DUSP8: variants seen among roughly 807,000 people sequenced by gnomAD.
DUSP8 encodes the protein dual specificity protein phosphatase 8.
Under a neutral mutation model 38.7 loss-of-function variants are expected in DUSP8, and 15 were observed. The ratio of observed to expected loss-of-function variants is 0.39; its 90% CI spans 0.26 to 0.60. The LOEUF is 0.60. Ranked by LOEUF, DUSP8 falls within the 20% of genes least tolerant of loss-of-function variation. The probability of loss-of-function intolerance (pLI) is 0.56; values close to 1 mark genes in which losing one functional copy is unlikely to be tolerated. For synonymous variants in DUSP8, 458 were observed against 433.9 expected, an observed-to-expected ratio of 1.06 and a Z score of -0.69; for missense variants, 768 against 915.0, an observed-to-expected ratio of 0.84 and a Z score of 2.07.
chr11:1,558,206 G>A lies in DUSP8; in HGVS notation c.603C>T (p.Asp201=). 3 of 1,610,982 alleles carry A rather than the reference G, an allele frequency of 1.9e-6. No homozygotes were observed. The highest frequency in any genetic ancestry group is 1.7e-6 in the Non-Finnish European group (2 of 1,179,568). Residue 201 remains aspartate (D), a synonymous_variant, in exon 5 of 7, where the codon GAC becomes GAT. Transcript: ENST00000397374. This position sits in a 1 kb window ranked among gnomAD's most constrained non-coding sequence, Gnocchi z 6.3. ...GCATGAAGCGGCTCTCGCAGATGAA[G>A]TCAGGCTTGGGGCAGGAGTTGCTGG... ...LNASNSCPKP[D]FICESRFMRV... is the part of the protein sequence containing the mutation.
At position 1,557,538 on chromosome 11, in the gene DUSP8, G is replaced by A; in HGVS notation, c.858C>T (p.Asn286=). 1 of 1,591,608 alleles carries A rather than the reference G, an allele frequency of 6.3e-7. No individual in the cohort carries two copies. Among genetic ancestry groups the A allele is most frequent in the Non-Finnish European group, 8.5e-7 (1 of 1,177,046 alleles). ...VKDRRPSISP[N]FNFLGQLLEY... The stretch of plus-strand genomic sequence containing the variant: ...CCAGCAGCTGGCCCAGGAAGTTGAA[G>A]TTGGGCGAGATGGACGGGCGCCTGT... The change falls in exon 7 of 7, where the codon AAC becomes AAT. Residue 286 remains asparagine (N), a synonymous_variant. Coordinates refer to ENST00000397374, the MANE Select transcript of DUSP8 (RefSeq NM_004420.3). This position sits in a 1 kb window ranked among gnomAD's most constrained non-coding sequence, Gnocchi z 9.9.
At chr11:1,566,617 T>C (rs1848808712) in intron 1 of DUSP8, among the ~76,000 whole-genome samples, 1 of 152,076 alleles carries the variant, frequency 6.6e-6, no homozygotes, top group South Asian at 2.1e-4. Flanking sequence ...TGAGGTTTAG[T>C]GTGCGCCACG....
At position 1,556,950 on chromosome 11, in the gene DUSP8, C is replaced by A; in HGVS notation, c.1446G>T (p.Gln482His). Residue 482 changes from glutamine to histidine, a missense_variant, in exon 7 of 7, where the codon CAG becomes CAT. Coordinates refer to ENST00000397374, the MANE Select transcript of DUSP8 (RefSeq NM_004420.3). The surrounding 1 kb of genome is among the most constrained non-coding windows in gnomAD (Gnocchi z 5.2). ...GGGCCGAGAGGCCGTGCCGCGGAGT[C>A]TGCCGGGCCGCATCGCCGAAGTTCA... ...LGLNFGDAAR[Q>H]TPRHGLSALS... is the part of the protein sequence containing the mutation. 3.7e-6 allele frequency: 4 copies of A among 1,070,034 alleles called. No individual in the cohort carries two copies. Among genetic ancestry groups the A allele is most frequent in the Non-Finnish European group, 4.5e-6 (4 of 885,960 alleles). 66.3% of individuals were successfully genotyped at this position (1,070,034 alleles called of 1,614,324 possible).
In DUSP8 at chr11:1,554,766, A is replaced by G; in HGVS notation, c.*1752T>C. The G allele has an allele frequency of 2.0e-6, 1 of 496,624 alleles. No homozygotes were observed. Among genetic ancestry groups the G allele is most frequent in the Non-Finnish European group, 2.6e-6 (1 of 382,298 alleles). 30.8% of individuals were successfully genotyped at this position (496,624 alleles called of 1,614,324 possible). ...AGGGTCTCCTCAGAAACCCAACGCA[A>G]CAGACATATGGGAGGCAAATTTACA... On this transcript the variant is annotated 3_prime_UTR_variant, in exon 7 of 7. Transcript: ENST00000397374.
rs754263942 is a variant in DUSP8, at chr11:1,557,372, T to G, written c.1024A>C (p.Thr342Pro). ...LPPPTSESAA[T>P]GNAAAREGGL... ...CCCTCCCTGGCAGCCGCATTCCCTG[T>G]GGCAGCGCTCTCTGAGGTAGGTGGT... Residue 342 changes from threonine (T) to proline (P), a missense_variant, in exon 7 of 7, where the codon ACA becomes CCA. Thr to Pro is a conservative substitution (Grantham distance 38, BLOSUM62 -1). Around this residue, in one of 3 missense-constraint regions of DUSP8, gnomAD observed 474 missense variants for 430.8 expected, o/e 1.10. Transcript: ENST00000397374. The surrounding 1 kb of genome is among the most constrained non-coding windows in gnomAD (Gnocchi z 9.9). 1 of 1,568,450 alleles carries G rather than the reference T, an allele frequency of 6.4e-7. No homozygotes were observed. Among genetic ancestry groups the G allele is most frequent in the African/African-American group, 1.4e-5 (1 of 70,872 alleles).
At position 1,557,610 on chromosome 11, in the gene DUSP8, G is replaced by A. The variant is rs200566171; in HGVS notation, c.822-36C>T. ...GGAGGCTCAGTCCCAGGCGCCCGCC[G>A]GGGCCAGGCTGCCCACCTGACGCAC... On this transcript the variant is annotated intron_variant, in intron 6 of 6. Coordinates refer to ENST00000397374, the MANE Select transcript of DUSP8 (RefSeq NM_004420.3). The surrounding 1 kb of genome is among the most constrained non-coding windows in gnomAD (Gnocchi z 9.9). 7.4e-5 allele frequency: 111 copies of A among 1,495,010 alleles called. No homozygotes were observed. Among genetic ancestry groups the A allele is most frequent in the African/African-American group, 1.7e-4 (12 of 71,880 alleles). 92.6% of individuals were successfully genotyped at this position (1,495,010 alleles called of 1,614,324 possible).
chr11:1,565,506 G>A (rs887184156), intron 2 of DUSP8, 90 bp downstream of exon 2: 8 of 1,047,190 alleles, frequency 7.6e-6, no homozygotes, highest in African/African-American at 3.1e-5. Flanking sequence ...TGGACTGGAA[G>A]GCAGAGGAGG....
In DUSP8 at chr11:1,567,573, G is replaced by A. The variant is rs1848823138; in HGVS notation, c.-108-1639C>T. Among the ~76,000 whole-genome samples, 4 of 152,232 alleles carry A rather than the reference G, an allele frequency of 2.6e-5. No individual in the cohort carries two copies. The South Asian group carries it at 8.3e-4, about 32-fold the overall frequency. On this transcript the variant is annotated intron_variant, in intron 1 of 6. Transcript: ENST00000397374. ...TCCAGACACTTCAAGCTTGGCCCCT[G>A]CCTGGCCCCTCCCGCCTCGACTGGG...
intron 3 of DUSP8, among the ~76,000 whole-genome samples, chr11:1,560,327 G>A (rs1312456240): frequency 6.6e-6 from 1 of 152,218 alleles, no homozygotes; most frequent in Admixed American, 6.5e-5. Flanking sequence ...TGTAGCAGGT[G>A]CCCACTGCCT....
chr11:1,562,980 C>G (rs1312370307), intron 3 of DUSP8, among the ~76,000 whole-genome samples: 2 of 152,166 alleles, frequency 1.3e-5, no homozygotes, highest in African/African-American at 4.8e-5. Flanking sequence ...CCCTTCATCC[C>G]CCACAGTCGC....
At chr11:1,560,731 C>T (rs1848705810) in intron 3 of DUSP8, among the ~76,000 whole-genome samples, 1 of 152,334 alleles carries the variant, frequency 6.6e-6, no homozygotes, top group Non-Finnish European at 1.5e-5. Flanking sequence ...GATGTTCCCG[C>T]TGCAGGACAG....
chr11:1,564,802 T>C (rs10768212), intron 2 of DUSP8, among the ~76,000 whole-genome samples: 120,123 of 152,228 alleles, frequency 0.79, 47,922 homozygotes, highest in African/African-American at 0.85. Flanking sequence ...GGCCTTGGGG[T>C]GGGCGGACTC....
In DUSP8 at chr11:1,558,994, C is replaced by A. The variant is rs1027588212; in HGVS notation, c.432G>T (p.Leu144=). 1 of 1,611,960 alleles carries A rather than the reference C, an allele frequency of 6.2e-7. No homozygotes were observed. The highest frequency in any genetic ancestry group is 8.5e-7 in the Non-Finnish European group (1 of 1,179,776). The stretch of plus-strand genomic sequence containing the variant: ...AGGGCTGGGAGAGGCTCATGGGTAG[C>A]AGGGCAGCAGGCTTGCCCTCGCAGA... ...PGLCEGKPAA[L]LPMSLSQPCL... Residue 144 remains leucine (L), a synonymous_variant, in exon 4 of 7, where the codon CTG becomes CTT. Coordinates refer to ENST00000397374, the MANE Select transcript of DUSP8 (RefSeq NM_004420.3). The surrounding 1 kb of genome is among the most constrained non-coding windows in gnomAD (Gnocchi z 6.3).
chr11:1,563,542 G>A (rs756352143), intron 3 of DUSP8, among the ~76,000 whole-genome samples: 12 of 152,316 alleles, frequency 7.9e-5, no homozygotes, highest in Middle Eastern at 3.4e-3. Context: ...TGAGTTTCCA[G>A]AGGATGGGGC....
intron 1 of DUSP8, among the ~76,000 whole-genome samples, chr11:1,570,782 GC>G (rs1848876506): frequency 6.6e-6 from 1 of 152,116 alleles, no homozygotes; most frequent in African/African-American, 2.4e-5. Context: ...GAGGGCTGGG[GC>G]CTGGGGTGCT....
At chr11:1,561,832 C>G (rs947482653) in intron 3 of DUSP8, among the ~76,000 whole-genome samples, 2 of 152,130 alleles carry the variant, frequency 1.3e-5, no homozygotes, top group Non-Finnish European at 2.9e-5. Flanking sequence ...TATATTCTTT[C>G]CCACTCTCCC....
At chr11:1,567,274 C>T (rs1848818151) in intron 1 of DUSP8, among the ~76,000 whole-genome samples, 1 of 152,230 alleles carries the variant, frequency 6.6e-6, no homozygotes, top group African/African-American at 2.4e-5. Flanking sequence ...CTCAGCAAGC[C>T]AGACCCCCAA....
In DUSP8 at chr11:1,555,300, G is replaced by A; in HGVS notation, c.*1218C>T. ...AGTTTCTCTCCTGAGCGGCCCCATG[G>A]GGGTGGGGGCAAACGAGGGGGCTTT... is the stretch of plus-strand genomic sequence containing the variant. On this transcript the variant is annotated 3_prime_UTR_variant, in exon 7 of 7. Transcript: ENST00000397374. 2 of 987,830 alleles carry A rather than the reference G, an allele frequency of 2.0e-6. No homozygotes were observed. The highest frequency in any genetic ancestry group is 2.4e-6 in the Non-Finnish European group (2 of 830,156). The allele number at this position is 987,830 out of a possible 1,614,324, so 61.2% of individuals were successfully genotyped here.
intron 2 of DUSP8, among the ~76,000 whole-genome samples, chr11:1,564,784 C>A (rs1848776547): frequency 6.6e-6 from 1 of 152,228 alleles, no homozygotes; most frequent in Non-Finnish European, 1.5e-5. Context: ...CCAAAGGGAG[C>A]CGATTCTGGC....
Sources: allele counts gnomAD v4.1 joint callset (sites outside exome capture counted in the v4.1 genomes callset), GRCh38; gene constraint gnomAD v4.1.1; regional missense constraint gnomAD v4.1.1; non-coding constraint Gnocchi (gnomAD v3.1); transcripts MANE v1.5; gene names NCBI Gene and HGNC (gene_info 2026-07-23, HGNC 2026-07-21).